TMCO4: variants seen among roughly 807,000 people sequenced by gnomAD.
TMCO4 encodes transmembrane and coiled-coil domains 4.
Under a neutral mutation model 64.7 loss-of-function variants are expected in TMCO4, and 58 were observed. That is an observed-to-expected ratio of 0.90 (90% CI 0.73 to 1.12). TMCO4 has a LOEUF of 1.12. Ranked by LOEUF, TMCO4 falls within the 50% of genes most tolerant of loss-of-function variation. The pLI is 0.00. For missense variants in TMCO4, 780 were observed against 825.9 expected (o/e 0.94, Z 0.68); for synonymous variants, 325 against 346.1 (o/e 0.94, Z 0.68).
At chr1:19,758,422 T>C (rs1319602107) in intron 6 of TMCO4, among the ~76,000 whole-genome samples, 1 of 152,184 alleles carries the variant, frequency 6.6e-6, no homozygotes, top group Non-Finnish European at 1.5e-5. Context: ...GCCATGATGA[T>C]TAATTGGTGG....
intron 10 of TMCO4, 112 bp downstream of exon 10, chr1:19,745,420 C>A (rs763158626): frequency 1.1e-5 from 16 of 1,510,692 alleles, no homozygotes; most frequent in Non-Finnish European, 1.3e-5. Context: ...TCTTCCTCTG[C>A]GAAATGGGGC....
chr1:19,731,255 G>C (rs375000045), intron 13 of TMCO4, among the ~76,000 whole-genome samples: 1 of 152,270 alleles, frequency 6.6e-6, no homozygotes, highest in South Asian at 2.1e-4. Flanking sequence ...ACTAGGTCCA[G>C]GGTCCATGCC....
intron 2 of TMCO4, among the ~76,000 whole-genome samples, chr1:19,791,220 A>G (rs1283806608): frequency 6.6e-6 from 1 of 152,128 alleles, no homozygotes; most frequent in African/African-American, 2.4e-5. Flanking sequence ...CTCAATACCT[A>G]GGTGATGGGC....
In TMCO4 at chr1:19,685,717, T is replaced by C. The variant is rs915175050; in HGVS notation, c.1501-2273A>G. 1.2e-3 allele frequency among the ~76,000 whole-genome samples: 172 copies of C among 138,000 alleles called. 3 individuals carry two copies. The East Asian group carries it at 0.018, about 15-fold the overall frequency. The allele number at this position is 138,000 out of a possible 152,430, so 90.5% of individuals were successfully genotyped here. A position where few individuals can be genotyped will look rare whatever the true frequency, so the allele number is the denominator to read the frequency against. On this transcript the variant is annotated intron_variant, in intron 15 of 15. Coordinates refer to ENST00000294543, the MANE Select transcript of TMCO4 (RefSeq NM_181719.7). The stretch of plus-strand genomic sequence containing the variant: ...TTGAATCCAGGCCTGTTTCTTTTTT[T>C]TTTTTTTTTTTTTTGAGACAGAGTC...
At chr1:19,782,518 T>C (rs974537617) in intron 3 of TMCO4, among the ~76,000 whole-genome samples, 1 of 152,178 alleles carries the variant, frequency 6.6e-6, no homozygotes, top group Admixed American at 6.5e-5. Context: ...TTAATATTTA[T>C]GCACTTTGTG....
At chr1:19,785,087 A>G (rs992421324) in intron 3 of TMCO4, among the ~76,000 whole-genome samples, 7 of 151,990 alleles carry the variant, frequency 4.6e-5, no homozygotes, top group Admixed American at 6.6e-5. Flanking sequence ...CTTTCTGCTC[A>G]TTCCCTCCAG....
chr1:19,729,344 T>C (rs547403551), intron 13 of TMCO4, among the ~76,000 whole-genome samples: 85 of 151,738 alleles, frequency 5.6e-4, no homozygotes, highest in African/African-American at 2.0e-3. Flanking sequence ...GATGGGGTTT[T>C]GCCATGTTGT....
intron 13 of TMCO4, among the ~76,000 whole-genome samples, chr1:19,736,521 C>T (rs1337187654): frequency 6.6e-6 from 1 of 152,172 alleles, no homozygotes; most frequent in Admixed American, 6.5e-5. Context: ...TGCTACCTTC[C>T]ACTGAGAGGA....
At chr1:19,688,228 G>A (rs1020047680) in intron 15 of TMCO4, among the ~76,000 whole-genome samples, 1 of 152,130 alleles carries the variant, frequency 6.6e-6, no homozygotes, top group African/African-American at 2.4e-5. Context: ...ATGAGGTTGC[G>A]TTCCCTGATA....
Position 19,683,192 on chromosome 1 carries a change from G to C in TMCO4, c.1753C>G (p.Pro585Ala). The C allele has an allele frequency of 6.2e-7, 1 of 1,614,256 alleles. No homozygotes were observed. The highest frequency in any genetic ancestry group is 8.5e-7 in the Non-Finnish European group (1 of 1,180,038). The stretch of plus-strand genomic sequence containing the variant: ...CCTTCAGACTGGTCCAGCCCTACTG[G>C]CACCTGGGCTTGGCTGGGGTCTGTG... Reference protein sequence around the residue: ...MSTDPSQAQVPVGLDQSEGAS... With the variant: ...MSTDPSQAQVAVGLDQSEGAS... Residue 585 changes from proline to alanine, a missense_variant, in exon 16 of 16, where the codon CCA (proline) becomes GCA (alanine). Physicochemically the swap from Pro to Ala is conservative, Grantham distance 27. Transcript: ENST00000294543.
At position 19,694,524 on chromosome 1, in the gene TMCO4, G is replaced by A. The variant is rs781672982; in HGVS notation, c.1410C>T (p.Tyr470=). The A allele has an allele frequency of 1.9e-6, 3 of 1,614,050 alleles. No homozygotes were observed. Among genetic ancestry groups the A allele is most frequent in the Non-Finnish European group, 2.5e-6 (3 of 1,179,926 alleles). Residue 470 remains tyrosine, a synonymous_variant, in exon 15 of 16, where the codon TAC becomes TAT. Transcript: ENST00000294543. ...CACGGAGCTGCACCGAGGATGTGCG[G>A]TACACGAAACTCAGCAGCCAGTCTC... The part of the protein sequence containing the change: ...CRGDWLLSFV[Y]RTSSVQLRVA...
intron 13 of TMCO4, among the ~76,000 whole-genome samples, chr1:19,720,182 AATAGAG>A (rs2100733969): frequency 6.6e-6 from 1 of 151,970 alleles, no homozygotes; most frequent in East Asian, 1.9e-4. Flanking sequence ...TTATTTATTT[AATAGAG>A]ATAGGGATCT....
rs1464425902 is a variant in TMCO4 at position 19,778,343 on chromosome 1, G to T, written c.179+2237C>A. On this transcript the variant is annotated intron_variant, in intron 4 of 15. Transcript: ENST00000294543. ...GGCTGGAGTGCAGTAGCACGATCTT[G>T]GCTCATTGCAACCTCTGCCTCCCGG... 4.0e-5 allele frequency among the ~76,000 whole-genome samples: 6 copies of T among 151,834 alleles called. No homozygotes were observed. In the East Asian group the frequency reaches 1.2e-3, roughly 29 times the overall value.
intron 12 of TMCO4, among the ~76,000 whole-genome samples, chr1:19,739,377 C>T (rs1026208959): frequency 2.0e-5 from 3 of 152,242 alleles, no homozygotes; most frequent in Non-Finnish European, 2.9e-5. Context: ...CACCAGGCCA[C>T]CAGCATGTGG....
intron 2 of TMCO4, among the ~76,000 whole-genome samples, chr1:19,790,037 C>T (rs1457357209): frequency 1.4e-5 from 2 of 138,490 alleles, no homozygotes; most frequent in African/African-American, 5.5e-5. Context: ...TGGGTGACAA[C>T]AGAGTGAGAC....
At chr1:19,687,839 C>T (rs149053049) in intron 15 of TMCO4, among the ~76,000 whole-genome samples, 72 of 152,344 alleles carry the variant, frequency 4.7e-4, no homozygotes, top group African/African-American at 1.7e-3. Context: ...CTAGAACACA[C>T]AGCTCTGGCC....
intron 10 of TMCO4, among the ~76,000 whole-genome samples, chr1:19,741,695 G>A (rs1266443): frequency 0.011 from 1,691 of 151,208 alleles, 32 homozygotes; most frequent in African/African-American, 0.038. Context: ...TGGCCCCCAC[G>A]TATTTCTGCT....
At chr1:19,687,553 G>C (rs531085623) in intron 15 of TMCO4, among the ~76,000 whole-genome samples, 21 of 152,174 alleles carry the variant, frequency 1.4e-4, no homozygotes, top group Non-Finnish European at 2.9e-4. Flanking sequence ...GGGGGATGGA[G>C]AGTAGGGAGT....
chr1:19,779,628 T>C (rs2043365028), intron 4 of TMCO4, among the ~76,000 whole-genome samples: 1 of 152,192 alleles, frequency 6.6e-6, no homozygotes, highest in Admixed American at 6.5e-5. Context: ...CACTCATCTG[T>C]ATCTGTCCCC....
Sources: gnomAD v4.1 joint callset for allele counts (sites outside exome capture counted in the v4.1 genomes callset) on GRCh38, gnomAD v4.1.1 for gene constraint, MANE v1.5 for transcripts, NCBI Gene and HGNC (gene_info 2026-07-23, HGNC 2026-07-21) for gene names.